Variants in C4orf54 observed in about 807,000 individuals in gnomAD.
The protein encoded by C4orf54 is uncharacterized protein C4orf54.
C4orf54 carries 67 observed loss-of-function variants against 80.1 expected under a neutral mutation model. The ratio of observed to expected loss-of-function variants is 0.84; its 90% CI spans 0.69 to 1.03. The LOEUF (loss-of-function observed/expected upper bound fraction) is 1.03. C4orf54 is among the 50% of genes least tolerant of loss of function. The probability of loss-of-function intolerance (pLI) is 0.00; values close to 1 mark genes in which losing one functional copy is unlikely to be tolerated. For missense variants in C4orf54, 2,434 were observed against 2,253.5 expected (o/e 1.08, Z -1.62); for synonymous variants, 1,000 against 917.0 (o/e 1.09, Z -1.64).
Position 99,651,087 on chromosome 4 carries a change from G to A in C4orf54, c.3562C>T (p.Pro1188Ser). ...CTGTGAACCAAGACTGTCCCTTCTG[G>A]GGAGGAAGAATTCAAGACTCTGCTG... ...GGSRVLNSSS[P>S]EGTVLVHRAS... Residue 1188 changes from proline (P) to serine (S), a missense_variant, in exon 2 of 3, where the codon CCA (proline) becomes TCA (serine). Pro to Ser is a moderately conservative substitution (Grantham distance 74, BLOSUM62 -1). Coordinates refer to ENST00000511828, the MANE Select transcript of C4orf54 (RefSeq NM_001354435.2). The A allele has an allele frequency of 1.3e-6, 2 of 1,536,128 alleles. No individual in the cohort carries two copies. Among genetic ancestry groups the A allele is most frequent in the Non-Finnish European group, 1.7e-6 (2 of 1,146,914 alleles).
Position 99,653,287 on chromosome 4 carries a change from G to T in C4orf54, c.1362C>A (p.Arg454=), listed in dbSNP as rs777119020. ...TPSPTSSDLA[R]PNAGRSGRDT... ...CGCGGCCACTGCGGCCTGCATTGGG[G>T]CGGGCCAGGTCGCTGCTTGTAGGGC... is the stretch of plus-strand genomic sequence containing the variant. The change falls in exon 2 of 3, where the codon CGC becomes CGA. Residue 454 remains arginine, a synonymous_variant. Transcript: ENST00000511828. The T allele has an allele frequency of 1.3e-6, 2 of 1,531,016 alleles. No individual in the cohort carries two copies. The highest frequency in any genetic ancestry group is 2.4e-5 in the South Asian group (2 of 83,324). The allele number at this position is 1,531,016 out of a possible 1,614,324, so 94.8% of individuals were successfully genotyped here.
At position 99,649,569 on chromosome 4, in the gene C4orf54, G is replaced by T. The variant is rs1443965719; in HGVS notation, c.5080C>A (p.Pro1694Thr). ...PTVLPTNALQ[P>T]TPIARAPRGS... Reference sequence around the variant, plus strand: ...CTTGGAGCGCGAGCAATTGGTGTGGGCTGCAGAGCATTGGTGGGCAGCACG... The same window carrying T: ...CTTGGAGCGCGAGCAATTGGTGTGGTCTGCAGAGCATTGGTGGGCAGCACG... The change falls in exon 2 of 3, where the codon CCC becomes ACC. Residue 1694 changes from proline to threonine, a missense_variant. Coordinates refer to ENST00000511828, the MANE Select transcript of C4orf54 (RefSeq NM_001354435.2). The T allele has an allele frequency of 6.5e-7, 1 of 1,536,174 alleles. No homozygotes were observed. Among genetic ancestry groups the T allele is most frequent in the Admixed American group, 2.0e-5 (1 of 51,002 alleles).
intron 2 of C4orf54, among the ~76,000 whole-genome samples, chr4:99,641,482 T>C (rs1397595678): frequency 2.0e-5 from 3 of 152,180 alleles, no homozygotes; most frequent in Non-Finnish European, 4.4e-5. Context: ...TTCCGTTTCA[T>C]TGAAATCATT....
In C4orf54 at chr4:99,653,634, C is replaced by T; in HGVS notation, c.1015G>A (p.Gly339Arg). The T allele has an allele frequency of 6.5e-7, 1 of 1,534,066 alleles. No individual in the cohort carries two copies. Among genetic ancestry groups the T allele is most frequent in the Non-Finnish European group, 8.7e-7 (1 of 1,145,562 alleles). Residue 339 changes from glycine to arginine, a missense_variant, in exon 2 of 3, where the codon GGG (glycine) becomes AGG (arginine). Transcript: ENST00000511828. ...GGGGKGGGGG[G>R]AGDGTECRDI... ...CTGCACTCTGTTCCATCTCCTGCCCCTCCTCCCCCTCCTCCTTTTCCTCCT... is the reference window on the plus strand; with the variant it reads ...CTGCACTCTGTTCCATCTCCTGCCCTTCCTCCCCCTCCTCCTTTTCCTCCT...
chr4:99,648,469 G>A (rs983660519), intron 2 of C4orf54, among the ~76,000 whole-genome samples: 21 of 151,968 alleles, frequency 1.4e-4, no homozygotes, highest in African/African-American at 4.8e-4. Flanking sequence ...TGTTCAGTCT[G>A]GACAGGACTG....
chr4:99,652,812 C>A lies in C4orf54; in HGVS notation c.1837G>T (p.Val613Leu), dbSNP rs563635955. The A allele has an allele frequency of 1.0e-5, 16 of 1,536,090 alleles. No individual in the cohort carries two copies. The African/African-American group carries it at 1.9e-4, about 18-fold the overall frequency. The change falls in exon 2 of 3, where the codon GTG (valine) becomes TTG (leucine). Residue 613 changes from valine (V) to leucine (L), a missense_variant. Physicochemically the swap from Val to Leu is conservative, Grantham distance 32 (BLOSUM62 1). Coordinates refer to ENST00000511828, the MANE Select transcript of C4orf54 (RefSeq NM_001354435.2). Reference protein sequence around the residue: ...VDYSSGASSAVSELDDADKEV... With the variant: ...VDYSSGASSALSELDDADKEV... ...TTGTCCGCATCGTCCAGTTCGCTCA[C>A]GGCACTGGAGGCTCCGCTGGAGTAG...
In C4orf54 at chr4:99,650,536, A is replaced by G; in HGVS notation, c.4113T>C (p.Tyr1371=). Reference sequence around the variant, plus strand: ...CTACATCCTTGTGGACTGGGGGAATATAGAGAGATCGGGGTCTTTCCCTGG... The same window carrying G: ...CTACATCCTTGTGGACTGGGGGAATGTAGAGAGATCGGGGTCTTTCCCTGG... ...NLARERPRSL[Y]IPPVHKDVER... The change falls in exon 2 of 3, where the codon TAT becomes TAC. Residue 1371 remains tyrosine, a synonymous_variant. Transcript: ENST00000511828. 2.0e-6 allele frequency: 3 copies of G among 1,536,038 alleles called. No individual in the cohort carries two copies. Among genetic ancestry groups the G allele is most frequent in the Non-Finnish European group, 2.6e-6 (3 of 1,146,894 alleles).
Position 99,638,923 on chromosome 4 carries a change from A to G in C4orf54, c.*2310T>C, listed in dbSNP as rs929016869. 4 of 152,170 alleles carry G rather than the reference A, an allele frequency of 2.6e-5. No individual in the cohort carries two copies. 9.4% of individuals were successfully genotyped at this position (152,170 alleles called of 1,614,324 possible). ...ATCACTGTGTCCTTGGCAACTTCCT[A>G]AAAGGTGAAGCCTCTTGTATAGAAC... On this transcript the variant is annotated 3_prime_UTR_variant, in exon 3 of 3. Transcript: ENST00000511828.
chr4:99,653,570 G>A lies in C4orf54; in HGVS notation c.1079C>T (p.Pro360Leu), dbSNP rs900721589. The A allele has an allele frequency of 2.0e-6, 3 of 1,535,690 alleles. No individual in the cohort carries two copies. The highest frequency in any genetic ancestry group is 1.2e-5 in the South Asian group (1 of 84,044). ...IAKSQGSRDP[P>L]KVEEAHYITT... ...GATGTAGTGAGCCTCTTCGACTTTGGGGGGGTCCCTGCTGCCCTGGGACTT... is the reference window on the plus strand; with the variant it reads ...GATGTAGTGAGCCTCTTCGACTTTGAGGGGGTCCCTGCTGCCCTGGGACTT... The change falls in exon 2 of 3, where the codon CCC becomes CTC. Residue 360 changes from proline (P) to leucine (L), a missense_variant. By Grantham distance (98) the Pro-to-Leu change is moderately conservative (BLOSUM62 -3). Transcript: ENST00000511828.
At position 99,653,648 on chromosome 4, in the gene C4orf54, C is replaced by G; in HGVS notation, c.1001G>C (p.Gly334Ala). The change falls in exon 2 of 3, where the codon GGA becomes GCA. Residue 334 changes from glycine (G) to alanine (A), a missense_variant. Gly to Ala is a moderately conservative substitution (Grantham distance 60). Coordinates refer to ENST00000511828, the MANE Select transcript of C4orf54 (RefSeq NM_001354435.2). Reference protein sequence around the residue: ...KISGGGGGGKGGGGGGAGDGT... With the variant: ...KISGGGGGGKAGGGGGAGDGT... Reference sequence around the variant, plus strand: ...ATCTCCTGCCCCTCCTCCCCCTCCTCCTTTTCCTCCTCCCCCTCCTCCTGA... The same window carrying G: ...ATCTCCTGCCCCTCCTCCCCCTCCTGCTTTTCCTCCTCCCCCTCCTCCTGA... 6.5e-7 allele frequency: 1 copy of G among 1,531,126 alleles called. No individual in the cohort carries two copies. The highest frequency in any genetic ancestry group is 2.0e-5 in the Admixed American group (1 of 50,796). The allele number at this position is 1,531,126 out of a possible 1,614,324, so 94.8% of individuals were successfully genotyped here.
At position 99,652,687 on chromosome 4, in the gene C4orf54, G is replaced by T. The variant is rs556190189; in HGVS notation, c.1962C>A (p.Ser654=). Residue 654 remains serine (S), a synonymous_variant, in exon 2 of 3, where the codon TCC becomes TCA. Transcript: ENST00000511828. Reference sequence around the variant, plus strand: ...TTGACCAGCGCCCAAAGCCCACTTCGGAGAGCGTGGTGGAGGACTCCCGGG... The same window carrying T: ...TTGACCAGCGCCCAAAGCCCACTTCTGAGAGCGTGGTGGAGGACTCCCGGG... ...ISSRESSTTL[S]EVGFGRWSTF... is the part of the protein sequence containing the mutation. 423 of 1,535,974 alleles carry T rather than the reference G, an allele frequency of 2.8e-4. No individual in the cohort carries two copies. The highest frequency in any genetic ancestry group is 1.0e-3 in the Middle Eastern group (6 of 6,012).
Position 99,651,994 on chromosome 4 carries a change from G to C in C4orf54, c.2655C>G (p.Gly885=). ...TGGAGCCCGCCACGGACCCCTCCCC[G>C]CCCGCGTCGGACATGCTGACCACTG... The part of the protein sequence containing the change: ...EYTVVSMSDA[G]GEGSVAGSKS... The change falls in exon 2 of 3, where the codon GGC becomes GGG. Residue 885 remains glycine (G), a synonymous_variant. Coordinates refer to ENST00000511828, the MANE Select transcript of C4orf54 (RefSeq NM_001354435.2). The C allele has an allele frequency of 5.2e-6, 8 of 1,536,094 alleles. No homozygotes were observed. Among genetic ancestry groups the C allele is most frequent in the Non-Finnish European group, 7.0e-6 (8 of 1,146,906 alleles).
At position 99,652,117 on chromosome 4, in the gene C4orf54, G is replaced by A. The variant is rs1726851381; in HGVS notation, c.2532C>T (p.Thr844=). 1.3e-6 allele frequency: 2 copies of A among 1,536,092 alleles called. No homozygotes were observed. Among genetic ancestry groups the A allele is most frequent in the Non-Finnish European group, 1.7e-6 (2 of 1,146,882 alleles). The part of the protein sequence containing the change: ...VMDTSHHLSG[T]SKETEGARGS... ...CGCGGGCGCCCTCCGTCTCCTTGGA[G>A]GTGCCTGAGAGGTGGTGGGATGTAT... is the stretch of plus-strand genomic sequence containing the variant. The change falls in exon 2 of 3, where the codon ACC becomes ACT. Residue 844 remains threonine, a synonymous_variant. Transcript: ENST00000511828.
chr4:99,651,329 T>A lies in C4orf54; in HGVS notation c.3320A>T (p.Asp1107Val). Residue 1107 changes from aspartate (D) to valine (V), a missense_variant, in exon 2 of 3, where the codon GAT (aspartate) becomes GTT (valine). Asp to Val is a radical substitution (Grantham distance 152). Transcript: ENST00000511828. ...TGACCCTTTAATTAGTTTCCTGACA[T>A]CTCTCACCTGGTGGAGGGGGCCTTG... ...KAQGPLHQVR[D>V]VRKLIKGSGD... The A allele has an allele frequency of 6.5e-7, 1 of 1,536,144 alleles. No individual in the cohort carries two copies. Among genetic ancestry groups the A allele is most frequent in the Non-Finnish European group, 8.7e-7 (1 of 1,146,912 alleles).
At position 99,654,019 on chromosome 4, in the gene C4orf54, G is replaced by A; in HGVS notation, c.630C>T (p.Thr210=). 6.5e-7 allele frequency: 1 copy of A among 1,536,092 alleles called. No individual in the cohort carries two copies. The highest frequency in any genetic ancestry group is 8.7e-7 in the Non-Finnish European group (1 of 1,146,902). The change falls in exon 2 of 3, where the codon ACC becomes ACT. Residue 210 remains threonine, a synonymous_variant. Coordinates refer to ENST00000511828, the MANE Select transcript of C4orf54 (RefSeq NM_001354435.2). The stretch of plus-strand genomic sequence containing the variant: ...GGCAGTGCCCCAGGGTAAGTTTCAT[G>A]GTCTGGGGACTCTCCCTCTGGACTT... ...SAEVQRESPQ[T]MKLTLGHCPG...
In C4orf54 at chr4:99,651,579, G is replaced by A; in HGVS notation, c.3070C>T (p.Pro1024Ser). 2 of 1,536,132 alleles carry A rather than the reference G, an allele frequency of 1.3e-6. No individual in the cohort carries two copies. Among genetic ancestry groups the A allele is most frequent in the Non-Finnish European group, 1.7e-6 (2 of 1,146,896 alleles). The change falls in exon 2 of 3, where the codon CCC becomes TCC. Residue 1024 changes from proline to serine, a missense_variant. By Grantham distance (74) the Pro-to-Ser change is moderately conservative. Coordinates refer to ENST00000511828, the MANE Select transcript of C4orf54 (RefSeq NM_001354435.2). ...CGGATCTTGATTTCGGGAGCCTTGGGTCTGATCACCGCTGTGGAGGTGGCC... is the reference window on the plus strand; with the variant it reads ...CGGATCTTGATTTCGGGAGCCTTGGATCTGATCACCGCTGTGGAGGTGGCC... ...AQATSTAVIR[P>S]KAPEIKIRLG...
At chr4:99,641,638 C>T (rs1278188201) in intron 2 of C4orf54, among the ~76,000 whole-genome samples, 1 of 152,070 alleles carries the variant, frequency 6.6e-6, no homozygotes, top group Non-Finnish European at 1.5e-5. Context: ...AAGCAAATGA[C>T]CAGTACTTAA....
chr4:99,652,548 T>C lies in C4orf54; in HGVS notation c.2101A>G (p.Thr701Ala). 1 of 1,536,022 alleles carries C rather than the reference T, an allele frequency of 6.5e-7. No homozygotes were observed. Among genetic ancestry groups the C allele is most frequent in the Non-Finnish European group, 8.7e-7 (1 of 1,146,884 alleles). ...GACTGGATGTAGAGCTGGTCGGCAG[T>C]GGCCCGGGCCCCACTGCCCTTCCTC... ...GLRKGSGARA[T>A]ADQLYIQSKK... The change falls in exon 2 of 3, where the codon ACT becomes GCT. Residue 701 changes from threonine to alanine, a missense_variant. By Grantham distance (58) the Thr-to-Ala change is moderately conservative. Transcript: ENST00000511828.
intron 1 of C4orf54, among the ~76,000 whole-genome samples, chr4:99,655,201 A>C (rs1458721392): frequency 1.3e-5 from 2 of 152,220 alleles, no homozygotes; most frequent in Non-Finnish European, 2.9e-5. Context: ...AAATAGAAGA[A>C]TCTCTCCTAG....
Sources: gnomAD v4.1 joint callset for allele counts (sites outside exome capture counted in the v4.1 genomes callset) on GRCh38, gnomAD v4.1.1 for gene constraint, MANE v1.5 for transcripts, NCBI Gene and HGNC (gene_info 2026-07-23, HGNC 2026-07-21) for gene names.